The following ANO2 variants were observed in gnomAD, a reference collection of about 807,000 sequenced individuals.
ANO2 encodes the protein anoctamin-2.
ANO2 carries 101 observed loss-of-function variants against 124.2 expected under a neutral mutation model. The observed-to-expected ratio is 0.81, with a 90% CI of 0.69 to 0.96. The LOEUF is 0.96. ANO2 is among the 40% of genes least tolerant of loss of function. ANO2 has a pLI of 0.00. For missense variants in ANO2, 1,293 were observed against 1,274.5 expected (o/e 1.01, Z -0.22); for synonymous variants, 486 against 482.5 (o/e 1.01, Z -0.09).
intron 3 of ANO2, among the ~76,000 whole-genome samples, chr12:5,912,731 G>T (rs1341488088): frequency 6.6e-6 from 1 of 152,200 alleles, no homozygotes; most frequent in Admixed American, 6.5e-5. Context: ...TAGGAAAGAG[G>T]CAAGGGAGAA....
At chr12:5,741,749 G>A (rs1951102906) in intron 12 of ANO2, among the ~76,000 whole-genome samples, 1 of 152,198 alleles carries the variant, frequency 6.6e-6, no homozygotes, top group South Asian at 2.1e-4. Flanking sequence ...TGTCACAAGA[G>A]CACTGTGGGG....
chr12:5,814,239 T>C (rs1187580247), intron 7 of ANO2, among the ~76,000 whole-genome samples: 2 of 152,252 alleles, frequency 1.3e-5, no homozygotes, highest in African/African-American at 4.8e-5. Context: ...ACGCCGTCCC[T>C]GGCATTCCCC....
chr12:5,912,288 G>A (rs115236994), intron 3 of ANO2, among the ~76,000 whole-genome samples: 2 of 152,124 alleles, frequency 1.3e-5, no homozygotes. Context: ...GGGAGTATGA[G>A]AGAATAAAGA....
intron 16 of ANO2, among the ~76,000 whole-genome samples, chr12:5,623,583 G>A (rs566503015): frequency 9.2e-5 from 14 of 152,206 alleles, no homozygotes; most frequent in Non-Finnish European, 1.5e-4. Flanking sequence ...TCATCCCAGG[G>A]GGCCAGCTCA....
chr12:5,616,974 T>C (rs1369019326), intron 16 of ANO2, among the ~76,000 whole-genome samples: 1 of 148,772 alleles, frequency 6.7e-6, no homozygotes, highest in East Asian at 2.0e-4. Context: ...ACTCTCCAGA[T>C]CACACAGTAC....
At chr12:5,821,255 T>C (rs1953788203) in intron 7 of ANO2, among the ~76,000 whole-genome samples, 1 of 152,228 alleles carries the variant, frequency 6.6e-6, no homozygotes, top group Non-Finnish European at 1.5e-5. Context: ...TCCAGTGCTG[T>C]GGGGCCTGTC....
chr12:5,913,631 A>G lies in ANO2; in HGVS notation c.534+7409T>C, dbSNP rs114318888. Reference sequence around the variant, plus strand: ...ATCCCAGAAGCTCCAAAGCTCAGACAGGGTCCAAATCCCAGCAGGACCCCT... The same window carrying G: ...ATCCCAGAAGCTCCAAAGCTCAGACGGGGTCCAAATCCCAGCAGGACCCCT... On this transcript the variant is annotated intron_variant, in intron 3 of 24. Transcript: ENST00000682330. Among the ~76,000 whole-genome samples the G allele has an allele frequency of 7.6e-3, 1,160 of 152,348 alleles. 16 individuals carry two copies. Among genetic ancestry groups the G allele is most frequent in the African/African-American group, 0.026 (1,094 of 41,582 alleles).
At chr12:5,666,690 T>C (rs937829464) in intron 14 of ANO2, among the ~76,000 whole-genome samples, 1 of 152,190 alleles carries the variant, frequency 6.6e-6, no homozygotes. Context: ...CATTTAGATG[T>C]TCTCAGATGA....
rs575532800 is a variant in ANO2 at position 5,842,990 on chromosome 12, C to T, written c.634-10387G>A. Among the ~76,000 whole-genome samples the T allele has an allele frequency of 3.8e-4, 58 of 152,310 alleles. 1 individual carries two copies. The South Asian group carries it at 0.011, about 30-fold the overall frequency. On this transcript the variant is annotated intron_variant, in intron 4 of 24. Coordinates refer to ENST00000682330, the MANE Select transcript of ANO2 (RefSeq NM_001364791.2). ...AATCAAAGCAATCAAAGAGCATGCA[C>T]TGAAAAGCCCATAAAGGTATTAAAT...
At chr12:5,945,684 C>T (rs190348300), upstream of ANO2, among the ~76,000 whole-genome samples, 20 of 152,382 alleles carry the variant, frequency 1.3e-4, no homozygotes, top group Non-Finnish European at 2.2e-4. Flanking sequence ...AGAGTTAGCC[C>T]TGGGGCGGGA....
Position 5,940,422 on chromosome 12 carries a change from G to A in ANO2, c.22+4774C>T, listed in dbSNP as rs758731921. ...GAAGTCGAAGAGCCACACAGAAGCC[G>A]TCCAAGTGGAGGGTCCTCCCCATCA... On this transcript the variant is annotated intron_variant, in intron 1 of 24. Transcript: ENST00000682330. Among the ~76,000 whole-genome samples the A allele has an allele frequency of 9.2e-5, 14 of 152,252 alleles. 1 individual carries two copies. The highest frequency in any genetic ancestry group is 3.4e-3 in the Middle Eastern group (1 of 294).
rs980712201 is a variant in ANO2 at position 5,658,460 on chromosome 12, T to G, written c.1546-10659A>C. On this transcript the variant is annotated intron_variant, in intron 14 of 24. Coordinates refer to ENST00000682330, the MANE Select transcript of ANO2 (RefSeq NM_001364791.2). The surrounding 1 kb of genome is among the most constrained non-coding windows in gnomAD (Gnocchi z 4.3). ...ATTAACATAATCATCAACATCATCA[T>G]CATATCATCACTATCATCATCATCA... is the stretch of plus-strand genomic sequence containing the variant. 6.6e-6 allele frequency among the ~76,000 whole-genome samples: 1 copy of G among 152,078 alleles called. No homozygotes were observed. The highest frequency in any genetic ancestry group is 1.5e-5 in the Non-Finnish European group (1 of 68,020).
intron 14 of ANO2, among the ~76,000 whole-genome samples, chr12:5,667,172 C>T (rs534302214): frequency 5.1e-4 from 77 of 152,276 alleles, no homozygotes; most frequent in Non-Finnish European, 8.4e-4. Context: ...ACCTGCATCC[C>T]TTCCCTGTAA....
At chr12:5,640,080 G>A (rs752754465) in intron 15 of ANO2, among the ~76,000 whole-genome samples, 4 of 152,140 alleles carry the variant, frequency 2.6e-5, no homozygotes, top group African/African-American at 7.2e-5. Flanking sequence ...CAGGATTGGC[G>A]GAGAGGAAAT....
At position 5,563,241 on chromosome 12, in the gene ANO2, CT is replaced by C; in HGVS notation, c.*57del. 2.0e-6 allele frequency: 3 copies of C among 1,536,960 alleles called. No individual in the cohort carries two copies. In the South Asian group the frequency reaches 3.7e-5, roughly 19 times the overall value. ...CACGCCATGTGGGTGTAGGAACATG[CT>C]TACGTGCATGTGCGTGTCTCTGCTG... On this transcript the variant is annotated 3_prime_UTR_variant, in exon 25 of 25. Transcript: ENST00000682330.
At chr12:5,571,125 C>T (rs1158105135) in intron 23 of ANO2, among the ~76,000 whole-genome samples, 1 of 152,188 alleles carries the variant, frequency 6.6e-6, no homozygotes, top group Non-Finnish European at 1.5e-5. Flanking sequence ...GCTGGATGCT[C>T]AACAAACACC....
intron 13 of ANO2, among the ~76,000 whole-genome samples, chr12:5,737,261 CT>C (rs1950907888): frequency 6.6e-6 from 1 of 152,236 alleles, no homozygotes; most frequent in Non-Finnish European, 1.5e-5. Context: ...GGAAAGTCTC[CT>C]TAGGCCCTGG....
rs560682392 is a variant in ANO2 at position 5,749,419 on chromosome 12, G to C, written c.1190+1417C>G. On this transcript the variant is annotated intron_variant, in intron 11 of 24. Transcript: ENST00000682330. ...GACCAATCGAGTATAAAGCTCTAAGGTGTAACACCCATGAGCTACTAGCAG... is the reference window on the plus strand; with the variant it reads ...GACCAATCGAGTATAAAGCTCTAAGCTGTAACACCCATGAGCTACTAGCAG... Among the ~76,000 whole-genome samples the C allele has an allele frequency of 2.0e-5, 3 of 152,314 alleles. 1 individual carries two copies. The South Asian group carries it at 6.2e-4, about 32-fold the overall frequency.
intron 24 of ANO2, 98 bp from the exon 25 acceptor site, chr12:5,563,666 G>A: frequency 3.4e-6 from 5 of 1,475,178 alleles, no homozygotes; most frequent in Non-Finnish European, 4.6e-6. Context: ...TCCTGGCTTT[G>A]CAACTTACCA....
Sources: allele counts gnomAD v4.1 joint callset (sites outside exome capture counted in the v4.1 genomes callset), GRCh38; gene constraint gnomAD v4.1.1; non-coding constraint Gnocchi (gnomAD v3.1); transcripts MANE v1.5; gene names NCBI Gene and HGNC (gene_info 2026-07-23, HGNC 2026-07-21).